The following ELL variants were observed in gnomAD, a reference collection of about 807,000 sequenced individuals.
ELL encodes the protein elongation factor for RNA polymerase II.
In ELL, 18 loss-of-function variants were observed where a neutral mutation model predicts 64.0. That is an observed-to-expected ratio of 0.28 (90% CI 0.19 to 0.42). The LOEUF is 0.42. Among genes scored for constraint, ELL ranks in the 10% least tolerant of loss-of-function variants. The pLI is 1.00. For missense variants in ELL, 797 were observed against 870.4 expected (o/e 0.92, Z 1.06); for synonymous variants, 399 against 376.2 (o/e 1.06, Z -0.70).
chr19:18,497,898 G>C (rs1208710418), intron 1 of ELL, among the ~76,000 whole-genome samples: 1 of 151,878 alleles, frequency 6.6e-6, no homozygotes. Context: ...GGAGGCTGAG[G>C]AGAGCAGATC....
chr19:18,473,338 C>A (rs912904425), intron 1 of ELL: 3 of 380,974 alleles, frequency 7.9e-6, no homozygotes, highest in Non-Finnish European at 1.6e-5. Flanking sequence ...AAAAGCAGCC[C>A]CCTCCACTCT....
intron 1 of ELL, among the ~76,000 whole-genome samples, chr19:18,477,372 T>C (rs921717017): frequency 5.9e-5 from 9 of 152,028 alleles, no homozygotes; most frequent in Non-Finnish European, 1.0e-4. Flanking sequence ...CAGCAGGGGA[T>C]CCCACGTGCA....
intron 1 of ELL, among the ~76,000 whole-genome samples, chr19:18,485,985 CAAAAAAAA>C (rs1240459805): frequency 8.9e-6 from 1 of 112,556 alleles, no homozygotes; most frequent in Non-Finnish European, 1.9e-5. Flanking sequence ...GACTCTGTCT[CAAAAAAAA>C]AAAAAAGAAA....
chr19:18,500,296 A>ACGTTCCTG (rs1343638194), intron 1 of ELL, among the ~76,000 whole-genome samples: 17 of 149,520 alleles, frequency 1.1e-4, no homozygotes, highest in Admixed American at 8.7e-4. Context: ...ACCACCAGCC[A>ACGTTCCTG]CGTTCCTGTT....
At chr19:18,457,347 T>TG (rs1974702903) in intron 6 of ELL, among the ~76,000 whole-genome samples, 1 of 152,140 alleles carries the variant, frequency 6.6e-6, no homozygotes, top group Non-Finnish European at 1.5e-5. Context: ...GGTATGAGGA[T>TG]GGGGGCGGGT....
chr19:18,450,870 C>A lies in ELL; in HGVS notation c.1072G>T (p.Val358Leu). 1 of 1,583,272 alleles carries A rather than the reference C, an allele frequency of 6.3e-7. No individual in the cohort carries two copies. Among genetic ancestry groups the A allele is most frequent in the Non-Finnish European group, 8.6e-7 (1 of 1,163,542 alleles). ...AGCAAGGCCTCACGGCCATTGGGCA[C>A]GCCCAGCTTCCCGTTGACGGCAGGC... ...AQPAVNGKLG[V>L]PNGREALLPT... Residue 358 changes from valine to leucine, a missense_variant, in exon 8 of 12, where the codon GTG (valine) becomes TTG (leucine). Val to Leu is a conservative substitution (Grantham distance 32, BLOSUM62 1). Transcript: ENST00000262809.
chr19:18,472,506 C>T, intron 2 of ELL: 2 of 332,392 alleles, frequency 6.0e-6, no homozygotes, highest in Non-Finnish European at 5.5e-6. Flanking sequence ...TCACCTCCTG[C>T]TGTGTGGGCA....
At chr19:18,475,182 G>T (rs1234098414) in intron 1 of ELL, among the ~76,000 whole-genome samples, 1 of 152,060 alleles carries the variant, frequency 6.6e-6, no homozygotes, top group Non-Finnish European at 1.5e-5. Context: ...GACCTATAGG[G>T]ACCAATTAAG....
chr19:18,446,753 G>A lies in ELL; in HGVS notation c.1527C>T (p.Tyr509=), dbSNP rs1236619337. The stretch of plus-strand genomic sequence containing the variant: ...GGGCCCAGACAAACACTCACAGCAA[G>A]TAGTCAGGCGTCTCCGACGTGGACG... The part of the protein sequence containing the change: ...VPTSTSETPD[Y]LLKYAAISSS... The change falls in exon 9 of 12, where the codon TAC becomes TAT. Residue 509 remains tyrosine, a synonymous_variant. Transcript: ENST00000262809. 5 of 1,613,898 alleles carry A rather than the reference G, an allele frequency of 3.1e-6. No individual in the cohort carries two copies. Among genetic ancestry groups the A allele is most frequent in the Non-Finnish European group, 4.2e-6 (5 of 1,180,008 alleles).
chr19:18,456,899 C>T (rs1467931585), intron 6 of ELL, among the ~76,000 whole-genome samples: 2 of 151,124 alleles, frequency 1.3e-5, no homozygotes, highest in South Asian at 2.1e-4. Context: ...TTGATATACA[C>T]GAAGCCATGG....
Position 18,450,898 on chromosome 19 carries a change from A to C in ELL, c.1044T>G (p.Ala348=), listed in dbSNP as rs748331305. 4 of 1,565,090 alleles carry C rather than the reference A, an allele frequency of 2.6e-6. No homozygotes were observed. The African/African-American group carries it at 5.5e-5, about 21-fold the overall frequency. The change falls in exon 8 of 12, where the codon GCT becomes GCG. Residue 348 remains alanine, a synonymous_variant. Coordinates refer to ENST00000262809, the MANE Select transcript of ELL (RefSeq NM_006532.4). Reference sequence around the variant, plus strand: ...CCAGCTTCCCGTTGACGGCAGGCTGAGCTCTCTGAGTGAAGTGCGATATCC... The same window carrying C: ...CCAGCTTCCCGTTGACGGCAGGCTGCGCTCTCTGAGTGAAGTGCGATATCC... The part of the protein sequence containing the change: ...KPRISHFTQR[A]QPAVNGKLGV...
intron 1 of ELL, among the ~76,000 whole-genome samples, chr19:18,510,417 G>A (rs1411404718): frequency 1.3e-5 from 2 of 152,140 alleles, no homozygotes; most frequent in South Asian, 2.1e-4. Flanking sequence ...CCGGGCAACC[G>A]CACACTGGCT....
intron 6 of ELL, among the ~76,000 whole-genome samples, chr19:18,454,316 G>A (rs922637595): frequency 6.6e-5 from 10 of 151,820 alleles, no homozygotes; most frequent in African/African-American, 1.9e-4. Context: ...TGGCTAACAC[G>A]GTGAAACCTC....
chr19:18,511,984 G>A (rs1399779827), intron 1 of ELL, among the ~76,000 whole-genome samples: 6 of 151,706 alleles, frequency 4.0e-5, no homozygotes, highest in African/African-American at 7.3e-5. Context: ...GTGAAACCCC[G>A]TCTCTACTAA....
intron 1 of ELL, among the ~76,000 whole-genome samples, chr19:18,520,009 C>A (rs974745054): frequency 3.9e-5 from 6 of 152,038 alleles, no homozygotes; most frequent in Non-Finnish European, 8.8e-5. Context: ...AGCTGGGCTC[C>A]GAGCCAGAGG....
intron 8 of ELL, among the ~76,000 whole-genome samples, chr19:18,447,135 G>A (rs1456769014): frequency 6.6e-6 from 1 of 152,208 alleles, no homozygotes; most frequent in Non-Finnish European, 1.5e-5. Context: ...GGACAGGTCA[G>A]GGAACTGCAG....
At chr19:18,482,674 C>G (rs1043186570) in intron 1 of ELL, among the ~76,000 whole-genome samples, 1 of 152,032 alleles carries the variant, frequency 6.6e-6, no homozygotes, top group Non-Finnish European at 1.5e-5. Context: ...TACAGAAGTT[C>G]TTAATTTTGA....
intron 5 of ELL, among the ~76,000 whole-genome samples, chr19:18,460,402 G>A (rs553222558): frequency 6.6e-6 from 1 of 152,334 alleles, no homozygotes; most frequent in East Asian, 1.9e-4. Context: ...GGCCAGGCCT[G>A]CTCCCAGGAG....
At chr19:18,511,549 GA>G (rs1333758056) in intron 1 of ELL, among the ~76,000 whole-genome samples, 1 of 152,160 alleles carries the variant, frequency 6.6e-6, no homozygotes, top group Non-Finnish European at 1.5e-5. Context: ...ATGGACAGAG[GA>G]ATGGATGAGC....
Sources: allele counts gnomAD v4.1 joint callset (sites outside exome capture counted in the v4.1 genomes callset), GRCh38; gene constraint gnomAD v4.1.1; transcripts MANE v1.5; gene names NCBI Gene and HGNC (gene_info 2026-07-23, HGNC 2026-07-21).